Variants in THUMPD3 observed in about 807,000 individuals in gnomAD.
The protein encoded by THUMPD3 is THUMP domain 3 tRNA guanosine methyltransferase.
A neutral mutation model predicts 54.5 loss-of-function variants in THUMPD3; 44 were observed. The ratio of observed to expected loss-of-function variants is 0.81; its 90% CI spans 0.63 to 1.04. THUMPD3 has a LOEUF of 1.04. THUMPD3 is among the 50% of genes least tolerant of loss of function. The pLI, the probability that THUMPD3 is intolerant of heterozygous loss-of-function variation, is 0.00. For synonymous variants in THUMPD3, 196 were observed against 201.4 expected, an observed-to-expected ratio of 0.97 and a Z score of 0.23; for missense variants, 604 against 601.3, an observed-to-expected ratio of 1.00 and a Z score of -0.05.
intron 7 of THUMPD3, among the ~76,000 whole-genome samples, chr3:9,381,214 G>A (rs2032861901): frequency 6.6e-6 from 1 of 152,158 alleles, no homozygotes; most frequent in Non-Finnish European, 1.5e-5. Context: ...GATTAGAGAC[G>A]AGTCACCACA....
At chr3:9,378,270 G>C (rs1309708179) in intron 6 of THUMPD3, among the ~76,000 whole-genome samples, 1 of 152,190 alleles carries the variant, frequency 6.6e-6, no homozygotes, top group East Asian at 1.9e-4. Context: ...AGTTCCTAGA[G>C]GGAATAAGTA....
In THUMPD3 at chr3:9,384,348, T is replaced by C. The variant is rs368957138; in HGVS notation, c.1359+13T>C. 1.6e-5 allele frequency: 26 copies of C among 1,604,750 alleles called. No individual in the cohort carries two copies. The highest frequency in any genetic ancestry group is 2.1e-5 in the Non-Finnish European group (25 of 1,175,962). On this transcript the variant is annotated intron_variant, in intron 9 of 9. Transcript: ENST00000452837. ...ATGCTTTACCAAGGTGCTATACACATTAGCTCAAAATCGCAGCCTGTGGCA... is the reference window on the plus strand; with the variant it reads ...ATGCTTTACCAAGGTGCTATACACACTAGCTCAAAATCGCAGCCTGTGGCA...
In THUMPD3 at chr3:9,384,659, A is replaced by G. The variant is rs1444671500; in HGVS notation, c.1495A>G (p.Arg499Gly). 2.5e-6 allele frequency: 4 copies of G among 1,614,108 alleles called. No homozygotes were observed. The highest frequency in any genetic ancestry group is 4.5e-5 in the East Asian group (2 of 44,894). ...TCATCCTTCAGAACAAGACGGAGAA[A>G]GAGGAACTCTTTGGCAATGCAAAGA... ...FVHPSEQDGERGTLWQCKE is the reference protein window; with the variant it reads ...FVHPSEQDGEGGTLWQCKE Residue 499 changes from arginine to glycine, a missense_variant, in exon 10 of 10, where the codon AGA becomes GGA. By Grantham distance (125) the Arg-to-Gly change is moderately radical. Coordinates refer to ENST00000452837, the MANE Select transcript of THUMPD3 (RefSeq NM_001114092.2).
chr3:9,366,887 G>A, intron 2 of THUMPD3, 21 bp from the exon 3 acceptor site: 2 of 1,595,322 alleles, frequency 1.3e-6, no homozygotes, highest in Non-Finnish European at 1.7e-6. Context: ...TCAGAAATGT[G>A]TTTCTTTTTT....
At chr3:9,379,138 A>T (rs544800495) in intron 6 of THUMPD3, among the ~76,000 whole-genome samples, 10 of 149,076 alleles carry the variant, frequency 6.7e-5, no homozygotes, top group African/African-American at 1.5e-4. Flanking sequence ...ATCTAGAATA[A>T]TTTTTTTTTT....
At chr3:9,382,313 TTTTG>T (rs564425324) in intron 7 of THUMPD3, among the ~76,000 whole-genome samples, 1 of 152,214 alleles carries the variant, frequency 6.6e-6, no homozygotes, top group African/African-American at 2.4e-5. Context: ...CTGTGCATTA[TTTTG>T]TTTCTTAAAC....
At chr3:9,377,768 A>G in intron 5 of THUMPD3, 51 bp from the exon 6 acceptor site, 1 of 1,432,428 alleles carries the variant, frequency 7.0e-7, no homozygotes, top group Non-Finnish European at 9.8e-7. Flanking sequence ...ATCAGTATAG[A>G]AGCCTCAGCT....
At chr3:9,383,058 A>G in intron 7 of THUMPD3, 141 bp from the exon 8 acceptor site, 1 of 551,066 alleles carries the variant, frequency 1.8e-6, no homozygotes, top group Non-Finnish European at 3.3e-6. Context: ...GCCATTTCTT[A>G]AATTTTGAAT....
intron 4 of THUMPD3, among the ~76,000 whole-genome samples, chr3:9,373,035 C>A (rs1208347040): frequency 6.6e-6 from 1 of 152,032 alleles, no homozygotes; most frequent in Non-Finnish European, 1.5e-5. Flanking sequence ...TCGCTTGAGC[C>A]CAAGAATTTG....
chr3:9,372,687 TA>T (rs1191048895), intron 4 of THUMPD3, among the ~76,000 whole-genome samples: 1 of 152,206 alleles, frequency 6.6e-6, no homozygotes, highest in Non-Finnish European at 1.5e-5. Context: ...TAAATTCTGC[TA>T]GATTTCCAAA....
intron 8 of THUMPD3, 71 bp from the exon 9 acceptor site, chr3:9,384,141 T>C (rs1011615882): frequency 6.5e-7 from 1 of 1,531,514 alleles, no homozygotes; most frequent in African/African-American, 1.4e-5. Context: ...CATGAAACTG[T>C]TTTTGTTTCA....
At chr3:9,374,934 C>T (rs1337431903) in intron 5 of THUMPD3, among the ~76,000 whole-genome samples, 1 of 152,246 alleles carries the variant, frequency 6.6e-6, no homozygotes, top group Non-Finnish European at 1.5e-5. Flanking sequence ...TCTCAGCTCA[C>T]TGTAACCTCT....
At position 9,384,547 on chromosome 3, in the gene THUMPD3, A is replaced by G. The variant is rs1183251591; in HGVS notation, c.1383A>G (p.Val461=). ...FTKALSGMRH[V]WRKVDTVWVN... Reference sequence around the variant, plus strand: ...AGGCGTTATCTGGAATGCGACACGTATGGCGAAAGGTGGATACAGTCTGGG... The same window carrying G: ...AGGCGTTATCTGGAATGCGACACGTGTGGCGAAAGGTGGATACAGTCTGGG... The change falls in exon 10 of 10, where the codon GTA becomes GTG. Residue 461 remains valine (V), a synonymous_variant. Transcript: ENST00000452837. 1.9e-6 allele frequency: 3 copies of G among 1,614,204 alleles called. No individual in the cohort carries two copies. Among genetic ancestry groups the G allele is most frequent in the African/African-American group, 1.3e-5 (1 of 75,050 alleles).
intron 5 of THUMPD3, among the ~76,000 whole-genome samples, chr3:9,375,078 AAT>A (rs1259348119): frequency 6.6e-6 from 1 of 152,138 alleles, no homozygotes; most frequent in Non-Finnish European, 1.5e-5. Flanking sequence ...GCTGGTCTCA[AAT>A]ACCTGACCTC....
intron 6 of THUMPD3, among the ~76,000 whole-genome samples, chr3:9,379,730 T>C (rs1261568858): frequency 4.6e-5 from 7 of 152,338 alleles, no homozygotes; most frequent in African/African-American, 1.7e-4. Context: ...TCTTGCTCTG[T>C]CAGCCAGGCT....
chr3:9,374,201 T>C (rs950330502), intron 4 of THUMPD3, among the ~76,000 whole-genome samples: 1 of 152,240 alleles, frequency 6.6e-6, no homozygotes, highest in Non-Finnish European at 1.5e-5. Flanking sequence ...TATTATTTTC[T>C]TTTAATTCAC....
chr3:9,371,037 A>G (rs377129922), intron 3 of THUMPD3, 23 bp from the exon 4 acceptor site: 1 of 1,506,966 alleles, frequency 6.6e-7, no homozygotes, highest in African/African-American at 1.4e-5. Flanking sequence ...AAATGAATGA[A>G]TTTCTTTCTC....
chr3:9,372,111 A>C (rs2032090361), intron 4 of THUMPD3, among the ~76,000 whole-genome samples: 1 of 152,210 alleles, frequency 6.6e-6, no homozygotes, highest in South Asian at 2.1e-4. Flanking sequence ...TCCTGTAGTG[A>C]TCTGCCTGTC....
rs2032322040 is a variant in THUMPD3 at position 9,374,655 on chromosome 3, A to G, written c.938+9A>G. ...GCCTATGGGATGCTCAGGTAAGAAA[A>G]TGAGTTTGCCATCCAGCTTAAAGTG... On this transcript the variant is annotated intron_variant, in intron 5 of 9. Transcript: ENST00000452837. The G allele has an allele frequency of 6.2e-7, 1 of 1,612,710 alleles. No individual in the cohort carries two copies. The highest frequency in any genetic ancestry group is 8.5e-7 in the Non-Finnish European group (1 of 1,179,498).
Sources: gnomAD v4.1 joint callset for allele counts (sites outside exome capture counted in the v4.1 genomes callset) on GRCh38, gnomAD v4.1.1 for gene constraint, MANE v1.5 for transcripts, NCBI Gene and HGNC (gene_info 2026-07-23, HGNC 2026-07-21) for gene names.